The following ITCH variants were observed in gnomAD, a reference collection of about 807,000 sequenced individuals.
The protein encoded by ITCH is E3 ubiquitin-protein ligase Itchy homolog.
A neutral mutation model predicts 126.8 loss-of-function variants in ITCH; 28 were observed. The observed-to-expected ratio is 0.22, with a 90% CI of 0.16 to 0.30. The LOEUF (loss-of-function observed/expected upper bound fraction) is 0.30, where lower values mean the gene tolerates loss of function less well. ITCH is among the 10% of genes least tolerant of loss of function. ITCH has a pLI of 1.00. For synonymous variants in ITCH, 342 were observed against 340.0 expected (o/e 1.01, Z -0.06); for missense variants, 631 against 1,032.4 (o/e 0.61, Z 5.33).
At chr20:34,388,525 C>T (rs548555088) in intron 2 of ITCH, among the ~76,000 whole-genome samples, 2 of 152,250 alleles carry the variant, frequency 1.3e-5, no homozygotes, top group South Asian at 4.1e-4. Flanking sequence ...ACTGGGACAA[C>T]AGGCACATAC....
At chr20:34,506,200 A>T (rs993571734) in intron 24 of ITCH, among the ~76,000 whole-genome samples, 2 of 152,126 alleles carry the variant, frequency 1.3e-5, no homozygotes, top group Non-Finnish European at 2.9e-5. Context: ...AGTAGCTGGG[A>T]CGACAGGCAT....
intron 14 of ITCH, 109 bp downstream of exon 14, chr20:34,462,330 C>G: frequency 8.8e-7 from 1 of 1,142,520 alleles, no homozygotes; most frequent in East Asian, 2.4e-5. Flanking sequence ...CTTGAGTTAG[C>G]TTGACAATAG....
intron 23 of ITCH, among the ~76,000 whole-genome samples, chr20:34,503,264 C>G (rs1990375357): frequency 1.3e-5 from 2 of 152,008 alleles, no homozygotes. Context: ...CTGACAGTGT[C>G]ACACATTACA....
intron 2 of ITCH, among the ~76,000 whole-genome samples, chr20:34,370,945 G>A (rs1023285443): frequency 5.3e-5 from 8 of 152,034 alleles, no homozygotes; most frequent in African/African-American, 1.9e-4. Context: ...GAGGCGGGTG[G>A]ATCACGAGGT....
At chr20:34,370,105 GAA>G (rs944960345) in intron 2 of ITCH, among the ~76,000 whole-genome samples, 9 of 117,712 alleles carry the variant, frequency 7.6e-5, no homozygotes, top group Non-Finnish European at 9.0e-5. Context: ...CCCTGTCTCG[GAA>G]AAAAAAAAAA....
At chr20:34,465,550 C>T (rs1246723141) in intron 14 of ITCH, among the ~76,000 whole-genome samples, 1 of 152,114 alleles carries the variant, frequency 6.6e-6, no homozygotes, top group Non-Finnish European at 1.5e-5. Flanking sequence ...GTCTTCCAAT[C>T]CATGAATGTG....
chr20:34,393,721 G>T (rs2038567436), intron 2 of ITCH, 70 bp from the exon 3 acceptor site: 1 of 903,456 alleles, frequency 1.1e-6, no homozygotes, highest in Non-Finnish European at 1.9e-6. Flanking sequence ...AAATAGCCAG[G>T]TTAGCACTAT....
chr20:34,363,688 G>C (rs2037288284), intron 1 of ITCH, among the ~76,000 whole-genome samples: 1 of 152,088 alleles, frequency 6.6e-6, no homozygotes, highest in Non-Finnish European at 1.5e-5. Flanking sequence ...GCCCCGCCTG[G>C]GGCCACTCTC....
chr20:34,393,808 T>C lies in ITCH; in HGVS notation c.-4T>C. 1 of 1,611,880 alleles carries C rather than the reference T, an allele frequency of 6.2e-7. No homozygotes were observed. The highest frequency in any genetic ancestry group is 8.5e-7 in the Non-Finnish European group (1 of 1,177,956). ...ATGTTCAGGTTTTCCAACCTATTGG[T>C]GGTATGTCTGACAGTGGATCACAAC... On this transcript the variant is annotated 5_prime_UTR_variant, in exon 3 of 25. Coordinates refer to ENST00000374864, the MANE Select transcript of ITCH (RefSeq NM_031483.7).
In ITCH at chr20:34,477,873, T is replaced by A. The variant is rs765984728; in HGVS notation, c.1658+13T>A. 6 of 1,613,282 alleles carry A rather than the reference T, an allele frequency of 3.7e-6. No homozygotes were observed. The highest frequency in any genetic ancestry group is 4.2e-6 in the Non-Finnish European group (5 of 1,179,298). On this transcript the variant is annotated intron_variant, in intron 17 of 24. Transcript: ENST00000374864. ...GAGGTGTAGCAAGGTAGTGATAATA[T>A]GAATACTCAGAACTTAGTTCCTTTC...
intron 23 of ITCH, among the ~76,000 whole-genome samples, chr20:34,502,944 G>A (rs1328372350): frequency 2.0e-5 from 3 of 152,098 alleles, no homozygotes; most frequent in Admixed American, 6.6e-5. Flanking sequence ...CCCAGGAGGC[G>A]GAGGTTGCAT....
At chr20:34,403,817 T>A (rs2038963847) in intron 3 of ITCH, among the ~76,000 whole-genome samples, 1 of 152,094 alleles carries the variant, frequency 6.6e-6, no homozygotes, top group South Asian at 2.1e-4. Flanking sequence ...GAAAAAAGGA[T>A]CATTCTCAGT....
At chr20:34,461,595 G>T (rs968015090) in intron 13 of ITCH, among the ~76,000 whole-genome samples, 6 of 151,718 alleles carry the variant, frequency 4.0e-5, no homozygotes, top group African/African-American at 1.5e-4. Flanking sequence ...GGCGCCTGTA[G>T]TCCCAGCTGA....
chr20:34,395,355 G>A (rs1285668009), intron 3 of ITCH, among the ~76,000 whole-genome samples: 1 of 152,132 alleles, frequency 6.6e-6, no homozygotes, highest in East Asian at 1.9e-4. Context: ...CTGGACTTAG[G>A]CAGATAAGAG....
At chr20:34,433,358 T>G (rs1490720809) in intron 7 of ITCH, among the ~76,000 whole-genome samples, 6 of 152,286 alleles carry the variant, frequency 3.9e-5, no homozygotes, top group African/African-American at 1.2e-4. Flanking sequence ...TTGACTTGGT[T>G]GTTCTATTCT....
chr20:34,445,598 T>G, intron 11 of ITCH, 137 bp downstream of exon 11: 1 of 792,792 alleles, frequency 1.3e-6, no homozygotes, highest in Non-Finnish European at 2.1e-6. Flanking sequence ...GTATTATTTT[T>G]AGACCTTGTC....
Position 34,492,514 on chromosome 20 carries a change from T to C in ITCH, c.2333T>C (p.Ile778Thr). 6.2e-7 allele frequency: 1 copy of C among 1,603,540 alleles called. No homozygotes were observed. The highest frequency in any genetic ancestry group is 8.5e-7 in the Non-Finnish European group (1 of 1,170,386). Residue 778 changes from isoleucine to threonine, a missense_variant, in exon 23 of 25, where the codon ATT becomes ACT. Ile to Thr is a moderately conservative substitution (Grantham distance 89, BLOSUM62 -1). Transcript: ENST00000374864. Reference sequence around the variant, plus strand: ...TACTTTTAACAGTTTGTTAAAGAAATTGATAATGAGAAGAGAATGAGACTT... The same window carrying C: ...TACTTTTAACAGTTTGTTAAAGAAACTGATAATGAGAAGAGAATGAGACTT... ...IMWFWQFVKEIDNEKRMRLLQ... is the reference protein window; with the variant it reads ...IMWFWQFVKETDNEKRMRLLQ...
intron 11 of ITCH, among the ~76,000 whole-genome samples, chr20:34,448,505 A>C (rs1466131407): frequency 3.3e-5 from 5 of 152,164 alleles, no homozygotes; most frequent in African/African-American, 1.2e-4. Context: ...GAGAAAAGAG[A>C]TAAAGAAACT....
chr20:34,404,415 C>CTTTTTTTTTTTTTT (rs1302908229), intron 3 of ITCH, among the ~76,000 whole-genome samples: 1 of 120,522 alleles, frequency 8.3e-6, no homozygotes, highest in East Asian at 2.3e-4. Flanking sequence ...GAGCTTCTGT[C>CTTTTTTTTTTTTTT]TTTTTTTTTT....
Sources: gnomAD v4.1 joint callset for allele counts (sites outside exome capture counted in the v4.1 genomes callset) on GRCh38, gnomAD v4.1.1 for gene constraint, MANE v1.5 for transcripts, NCBI Gene and HGNC (gene_info 2026-07-23, HGNC 2026-07-21) for gene names.